The following ELFN2 variants were observed in gnomAD, a reference collection of about 807,000 sequenced individuals.
The protein encoded by ELFN2 is protein phosphatase 1 regulatory subunit 29.
Under a neutral mutation model 45.5 loss-of-function variants are expected in ELFN2, and 17 were observed. That is an observed-to-expected ratio of 0.37 (90% CI 0.26 to 0.56). The LOEUF is 0.56. Among genes scored for constraint, ELFN2 ranks in the 20% least tolerant of loss-of-function variants. The pLI, the probability that ELFN2 is intolerant of heterozygous loss-of-function variation, is 0.77. For missense variants in ELFN2, 922 were observed against 1,183.2 expected (o/e 0.78, Z 3.24); for synonymous variants, 550 against 551.5 (o/e 1.00, Z 0.04).
intron 2 of ELFN2, among the ~76,000 whole-genome samples, chr22:37,383,245 C>T (rs957688181): frequency 2.0e-5 from 3 of 152,160 alleles, no homozygotes; most frequent in African/African-American, 7.2e-5. Flanking sequence ...TCTGTTCATG[C>T]GGTGAGAGTA....
chr22:37,378,034 T>C (rs1273332564), intron 2 of ELFN2, among the ~76,000 whole-genome samples: 2 of 152,214 alleles, frequency 1.3e-5, no homozygotes, highest in Non-Finnish European at 2.9e-5. Context: ...TCTGCTCCAA[T>C]GCAGTCCCTC....
At chr22:37,377,204 G>A (rs1201246506) in intron 2 of ELFN2, among the ~76,000 whole-genome samples, 2 of 152,218 alleles carry the variant, frequency 1.3e-5, no homozygotes, top group South Asian at 2.1e-4. Flanking sequence ...TTCCAAGTGG[G>A]GAAACTGAGC....
chr22:37,415,993 T>C (rs908306717), intron 2 of ELFN2, among the ~76,000 whole-genome samples: 5 of 152,002 alleles, frequency 3.3e-5, no homozygotes, highest in South Asian at 2.1e-4. Context: ...ATGATGGTGG[T>C]GGTGGTTCCC....
At chr22:37,416,004 A>G (rs1448165923) in intron 2 of ELFN2, among the ~76,000 whole-genome samples, 1 of 152,188 alleles carries the variant, frequency 6.6e-6, no homozygotes, top group East Asian at 1.9e-4. Flanking sequence ...GGTGGTTCCC[A>G]GTCACTGAGA....
At chr22:37,384,268 G>A (rs1931873343) in intron 2 of ELFN2, among the ~76,000 whole-genome samples, 1 of 151,946 alleles carries the variant, frequency 6.6e-6, no homozygotes, top group South Asian at 2.1e-4. Flanking sequence ...CCGTGAGCAG[G>A]GCCCACTCCC....
intron 2 of ELFN2, among the ~76,000 whole-genome samples, chr22:37,377,647 C>T (rs948836926): frequency 2.0e-5 from 3 of 152,224 alleles, no homozygotes; most frequent in African/African-American, 4.8e-5. Flanking sequence ...GTCCAGATGG[C>T]CCGCTGGACT....
chr22:37,362,068 G>A lies in ELFN2; in HGVS notation n.149-19365C>T, dbSNP rs1931102299. On this transcript the variant is annotated intron_variant and non_coding_transcript_variant, in intron 1 of 2. Transcript: ENST00000452946. The stretch of plus-strand genomic sequence containing the variant: ...TCCACCCTGGGAAGGACAGGCCTTG[G>A]AAACATGTCCGGGGCCAACTGGACA... 2.6e-5 allele frequency among the ~76,000 whole-genome samples: 4 copies of A among 152,214 alleles called. No individual in the cohort carries two copies. In the South Asian group the frequency reaches 8.3e-4, roughly 31 times the overall value.
intron 1 of ELFN2, among the ~76,000 whole-genome samples, chr22:37,346,740 G>T (rs1366852318): frequency 6.6e-6 from 1 of 152,046 alleles, no homozygotes; most frequent in African/African-American, 2.4e-5. Context: ...ACACACACAT[G>T]TGCACACCAC....
chr22:37,400,172 G>T (rs1932327468), intron 2 of ELFN2, among the ~76,000 whole-genome samples: 1 of 152,118 alleles, frequency 6.6e-6, no homozygotes, highest in South Asian at 2.1e-4. Flanking sequence ...CAGGTCAGGG[G>T]CCTCAACCAC....
rs1255879570 is a variant in ELFN2 at position 37,369,008 on chromosome 22, T to C, written c.*4064A>G. The C allele has an allele frequency of 6.6e-6, 1 of 151,934 alleles. No individual in the cohort carries two copies. Among genetic ancestry groups the C allele is most frequent in the East Asian group, 1.9e-4 (1 of 5,170 alleles). 9.4% of individuals were successfully genotyped at this position (151,934 alleles called of 1,614,324 possible). ...CTCCCCCATCACCCTATTTTAATTT[T>C]CTGCAAGGCGCCAGTCACTAGGGAG... On this transcript the variant is annotated 3_prime_UTR_variant, in exon 3 of 3. Transcript: ENST00000402918.
chr22:37,399,527 TCTCCCACCTCCACCGACCACGGGGACC>T (rs1569139579), intron 2 of ELFN2, among the ~76,000 whole-genome samples: 2 of 122,110 alleles, frequency 1.6e-5, no homozygotes, highest in Non-Finnish European at 3.5e-5. Flanking sequence ...CCAGCCCACC[TCTCCCACCTCCACCGACCACGGGGACC>T]ACCGGCCCAC....
At chr22:37,413,563 C>A (rs916318) in intron 2 of ELFN2, among the ~76,000 whole-genome samples, 14,515 of 146,512 alleles carry the variant, frequency 0.099, 861 homozygotes, top group African/African-American at 0.17. Context: ...GAGCAACAGC[C>A]TGTCTAAAAA....
At chr22:37,382,571 A>C (rs1249730267) in intron 2 of ELFN2, among the ~76,000 whole-genome samples, 7 of 113,498 alleles carry the variant, frequency 6.2e-5, no homozygotes, top group South Asian at 2.8e-4. Context: ...TTAAAAACAG[A>C]CTCTAGCTAG....
intron 2 of ELFN2, among the ~76,000 whole-genome samples, chr22:37,406,802 G>A (rs544101056): frequency 6.6e-6 from 1 of 152,380 alleles, no homozygotes; most frequent in East Asian, 1.9e-4. Flanking sequence ...GGGTGGTGGT[G>A]CAGGGGGACA....
chr22:37,395,214 G>A (rs546885049), intron 2 of ELFN2, among the ~76,000 whole-genome samples: 17 of 152,186 alleles, frequency 1.1e-4, no homozygotes, highest in East Asian at 3.9e-4. Context: ...GCCTCACAGC[G>A]TCACAGCTGG....
At position 37,373,588 on chromosome 22, in the gene ELFN2, G is replaced by C; in HGVS notation, c.1947C>G (p.Asp649Glu). Residue 649 changes from aspartate to glutamate, a missense_variant, in exon 3 of 3, where the codon GAC (aspartate) becomes GAG (glutamate). Around this residue, in one of 2 missense-constraint regions of ELFN2, gnomAD observed 564 missense variants for 642.8 expected, o/e 0.88. Transcript: ENST00000402918. ...TAGCCAGCCCTGTGGCGGCCGGATG[G>C]TCGGGCACGTCCAGGCTAAAGACCT... is the stretch of plus-strand genomic sequence containing the variant. ...SAKVFSLDVP[D>E]HPAATGLAKG... 6.2e-7 allele frequency: 1 copy of C among 1,607,584 alleles called. No individual in the cohort carries two copies. The highest frequency in any genetic ancestry group is 8.5e-7 in the Non-Finnish European group (1 of 1,178,180).
chr22:37,356,838 C>T (rs992879544), intron 1 of ELFN2, among the ~76,000 whole-genome samples: 1 of 152,196 alleles, frequency 6.6e-6, no homozygotes, highest in Admixed American at 6.5e-5. Context: ...CTGTCTCTAA[C>T]AATATCATCG....
intron 1 of ELFN2, among the ~76,000 whole-genome samples, chr22:37,424,206 A>T (rs1601775587): frequency 6.6e-6 from 1 of 151,860 alleles, no homozygotes; most frequent in Non-Finnish European, 1.5e-5. Flanking sequence ...CACGGTTGTC[A>T]CCCTTTCACA....
intron 1 of ELFN2, among the ~76,000 whole-genome samples, chr22:37,360,231 T>C (rs1446039783): frequency 1.3e-5 from 2 of 152,172 alleles, no homozygotes; most frequent in Non-Finnish European, 2.9e-5. Context: ...TGTCTCATCA[T>C]GCATTTATGG....
Sources: gnomAD v4.1 joint callset for allele counts (sites outside exome capture counted in the v4.1 genomes callset) on GRCh38, gnomAD v4.1.1 for gene constraint, gnomAD v4.1.1 regional missense constraint, MANE v1.5 for transcripts, NCBI Gene and HGNC (gene_info 2026-07-23, HGNC 2026-07-21) for gene names.